DOK6: variants seen among roughly 807,000 people sequenced by gnomAD.
DOK6 encodes docking protein 6.
A neutral mutation model predicts 44.0 loss-of-function variants in DOK6; 22 were observed. The ratio of observed to expected loss-of-function variants is 0.50; its 90% CI spans 0.36 to 0.71. The LOEUF is 0.71. Ranked by LOEUF, DOK6 falls within the 30% of genes least tolerant of loss-of-function variation. The pLI, the probability that DOK6 is intolerant of heterozygous loss-of-function variation, is 0.00. For synonymous variants in DOK6, 166 were observed against 145.5 expected (o/e 1.14, Z -1.01); for missense variants, 340 against 416.4 (o/e 0.82, Z 1.60).
At chr18:69,695,056 T>C (rs1986360720) in intron 4 of DOK6, among the ~76,000 whole-genome samples, 1 of 152,224 alleles carries the variant, frequency 6.6e-6, no homozygotes. Context: ...AAAAAGCAAG[T>C]GTTCTTTTGT....
intron 3 of DOK6, among the ~76,000 whole-genome samples, chr18:69,672,226 C>T (rs1985813904): frequency 6.6e-6 from 1 of 152,182 alleles, no homozygotes; most frequent in African/African-American, 2.4e-5. Context: ...AATCGTACCC[C>T]CATCTCTACA....
chr18:69,691,462 C>A (rs750453338), intron 4 of DOK6, among the ~76,000 whole-genome samples: 10 of 152,152 alleles, frequency 6.6e-5, no homozygotes, highest in Non-Finnish European at 1.3e-4. Context: ...GACAGACTGG[C>A]TTCTCACCTC....
chr18:69,757,702 A>G (rs1979402975), intron 6 of DOK6, 54 bp from the exon 7 acceptor site: 1 of 1,430,482 alleles, frequency 7.0e-7, no homozygotes. Context: ...AGAAGAGCAG[A>G]TTTCAGTTTA....
intron 3 of DOK6, among the ~76,000 whole-genome samples, chr18:69,647,702 G>C (rs558649465): frequency 6.6e-6 from 1 of 152,232 alleles, no homozygotes; most frequent in East Asian, 1.9e-4. Flanking sequence ...GTGGGAGTAG[G>C]AGAAATGAAA....
chr18:69,498,502 T>C (rs768607408), intron 1 of DOK6, among the ~76,000 whole-genome samples: 4 of 152,192 alleles, frequency 2.6e-5, no homozygotes, highest in Non-Finnish European at 4.4e-5. Flanking sequence ...AAGACTATAA[T>C]TCTTTATTTT....
intron 1 of DOK6, among the ~76,000 whole-genome samples, chr18:69,541,626 A>G (rs1982271154): frequency 6.6e-6 from 1 of 151,508 alleles, no homozygotes; most frequent in Admixed American, 6.6e-5. Flanking sequence ...AAGGGAATAC[A>G]TTGTGCCAGA....
At chr18:69,578,031 C>G (rs1298490809) in intron 2 of DOK6, among the ~76,000 whole-genome samples, 1 of 151,932 alleles carries the variant, frequency 6.6e-6, no homozygotes, top group Non-Finnish European at 1.5e-5. Flanking sequence ...ATGTAACAAA[C>G]CTGCACGTTC....
At chr18:69,559,249 ATGGGGAAT>A (rs1399941364) in intron 1 of DOK6, among the ~76,000 whole-genome samples, 6 of 152,138 alleles carry the variant, frequency 3.9e-5, no homozygotes, top group African/African-American at 1.4e-4. Context: ...GTAACATCAG[ATGGGGAAT>A]TACAGTCAGC....
rs3809951 is a variant in DOK6, at chr18:69,631,734, C to T, written c.289+32236C>T. Among the ~76,000 whole-genome samples, 57 of 152,254 alleles carry T rather than the reference C, an allele frequency of 3.7e-4. 1 individual carries two copies. The East Asian group carries it at 9.4e-3, about 25-fold the overall frequency. On this transcript the variant is annotated intron_variant, in intron 3 of 7. Coordinates refer to ENST00000382713, the MANE Select transcript of DOK6 (RefSeq NM_152721.6). ...ATGCACAGGAAAAAGAAATTGTTCACGTATAAAACCATCTGACTTGAAAAC... is the reference window on the plus strand; with the variant it reads ...ATGCACAGGAAAAAGAAATTGTTCATGTATAAAACCATCTGACTTGAAAAC...
chr18:69,577,049 A>C (rs1158697397), intron 2 of DOK6, among the ~76,000 whole-genome samples: 1 of 152,144 alleles, frequency 6.6e-6, no homozygotes, highest in African/African-American at 2.4e-5. Context: ...AATTCCCTGT[A>C]ACCCAACACT....
At chr18:69,608,333 A>C (rs2144628476) in intron 3 of DOK6, among the ~76,000 whole-genome samples, 1 of 152,302 alleles carries the variant, frequency 6.6e-6, no homozygotes, top group African/African-American at 2.4e-5. Flanking sequence ...GTGTGGATTC[A>C]TGTCTGGGCT....
chr18:69,422,901 A>T (rs1401868895), intron 1 of DOK6, among the ~76,000 whole-genome samples: 1 of 152,198 alleles, frequency 6.6e-6, no homozygotes. Context: ...TAGATTTTTT[A>T]AATATAATAT....
At chr18:69,515,777 G>A (rs905514464) in intron 1 of DOK6, among the ~76,000 whole-genome samples, 4 of 152,148 alleles carry the variant, frequency 2.6e-5, no homozygotes, top group Non-Finnish European at 5.9e-5. Flanking sequence ...AATAAGTTGT[G>A]TAACACTAAC....
intron 1 of DOK6, among the ~76,000 whole-genome samples, chr18:69,523,128 C>T (rs1425019833): frequency 6.6e-6 from 1 of 152,052 alleles, no homozygotes; most frequent in Non-Finnish European, 1.5e-5. Flanking sequence ...TACCAAGTCA[C>T]TCTGTGGTGT....
At chr18:69,616,717 C>T (rs1298352319) in intron 3 of DOK6, among the ~76,000 whole-genome samples, 5 of 152,146 alleles carry the variant, frequency 3.3e-5, no homozygotes, top group Admixed American at 2.6e-4. Context: ...GCAGAATTTA[C>T]ATAAAGCATA....
chr18:69,688,047 T>C (rs1350556400), intron 4 of DOK6, among the ~76,000 whole-genome samples: 3 of 152,046 alleles, frequency 2.0e-5, no homozygotes, highest in African/African-American at 7.2e-5. Context: ...CTATTTCATA[T>C]AATGCAATTA....
chr18:69,755,561 G>GA (rs1979328608), intron 6 of DOK6, among the ~76,000 whole-genome samples: 2 of 152,174 alleles, frequency 1.3e-5, no homozygotes, highest in South Asian at 4.2e-4. Context: ...CCTCATATGG[G>GA]AAATTGGCTT....
intron 5 of DOK6, among the ~76,000 whole-genome samples, chr18:69,736,924 T>A (rs66493644): frequency 0.14 from 21,230 of 152,200 alleles, 1,559 homozygotes; most frequent in Middle Eastern, 0.23. Context: ...AAATGCAGAT[T>A]TAGATCTGAT....
chr18:69,403,631 T>G (rs181085338), intron 1 of DOK6, among the ~76,000 whole-genome samples: 2 of 151,558 alleles, frequency 1.3e-5, no homozygotes, highest in Admixed American at 1.3e-4. Context: ...AATATTAAAT[T>G]CACCTTGACT....
Sources: allele counts gnomAD v4.1 joint callset (sites outside exome capture counted in the v4.1 genomes callset), GRCh38; gene constraint gnomAD v4.1.1; transcripts MANE v1.5; gene names NCBI Gene and HGNC (gene_info 2026-07-23, HGNC 2026-07-21).